Variants in OR14A2 observed in about 807,000 individuals in gnomAD.
OR14A2 encodes olfactory receptor 14A2.
For synonymous variants in OR14A2, 114 were observed against 58.6 expected, an observed-to-expected ratio of 1.95 and a Z score of -4.32; for missense variants, 237 against 152.9, an observed-to-expected ratio of 1.55 and a Z score of -2.90.
chr1:247,735,576 T>G, the OR14A2 span, among the ~76,000 whole-genome samples: 1 of 152,176 alleles, frequency 6.6e-6, no homozygotes, highest in Non-Finnish European at 1.5e-5. Context: ...AAAATATAAG[T>G]ACAAGTAAAA....
exon 1 of OR14A2, chr1:247,723,729 G>A (rs1660261947): frequency 1.4e-6 from 1 of 718,436 alleles, no homozygotes; most frequent in Non-Finnish European, 2.6e-6. Flanking sequence ...CTCCTGCTGA[G>A]AAGGAAGTCA....
At chr1:247,743,089 A>G in the OR14A2 span, among the ~76,000 whole-genome samples, 49 of 152,308 alleles carry the variant, frequency 3.2e-4, no homozygotes, top group African/African-American at 1.1e-3. Flanking sequence ...AGAGTATGGA[A>G]ATCTATTTTT....
At chr1:247,747,528 A>AT in the OR14A2 span, among the ~76,000 whole-genome samples, 1 of 151,556 alleles carries the variant, frequency 6.6e-6, no homozygotes, top group East Asian at 1.9e-4. Context: ...CGCCCGGCTA[A>AT]TTTTTTTGTA....
upstream of OR14A2, among the ~76,000 whole-genome samples, chr1:247,728,027 T>G (rs1456554233): frequency 6.9e-6 from 1 of 145,276 alleles, no homozygotes; most frequent in Non-Finnish European, 1.5e-5. Flanking sequence ...CTTCTGAAAC[T>G]ATTCCAATCA....
At chr1:247,742,066 G>A in the OR14A2 span, among the ~76,000 whole-genome samples, 1 of 152,154 alleles carries the variant, frequency 6.6e-6, no homozygotes, top group Non-Finnish European at 1.5e-5. Context: ...TTGCTCAAAT[G>A]TTGAAACAAA....
exon 1 of OR14A2, chr1:247,724,002 C>T (rs1660273408): frequency 1.4e-6 from 1 of 714,674 alleles, no homozygotes. Context: ...TATTAGAAAA[C>T]CCCATAAGAA....
the OR14A2 span, among the ~76,000 whole-genome samples, chr1:247,731,680 T>G: frequency 2.0e-5 from 3 of 152,134 alleles, no homozygotes; most frequent in African/African-American, 7.2e-5. Context: ...ATTTTCAATT[T>G]TGTAATTTCT....
chr1:247,743,443 A>C, the OR14A2 span, among the ~76,000 whole-genome samples: 1 of 152,186 alleles, frequency 6.6e-6, no homozygotes, highest in East Asian at 1.9e-4. Context: ...CAAGGGACAA[A>C]GTTTTGCACC....
In OR14A2 at chr1:247,723,320, G is replaced by T. The variant is rs1257063592; in HGVS notation, c.724C>A (p.His242Asn). 3 of 717,484 alleles carry T rather than the reference G, an allele frequency of 4.2e-6. No homozygotes were observed. In the Admixed American group the frequency reaches 6.0e-5, roughly 14 times the overall value. The allele number at this position is 717,484 out of a possible 1,614,324, so 44.4% of individuals were successfully genotyped here. A position where few individuals can be genotyped will look rare whatever the true frequency, so the allele number is the denominator to read the frequency against. The change falls in exon 1 of 1, where the codon CAT becomes AAT. Residue 242 changes from histidine (H) to asparagine (N), a missense_variant. Transcript: ENST00000366485. ...ATAAAAACAGTGAAAACAGTGAGATGGGGGAAGCATGTGGAAAAAGCTTTG... is the reference window on the plus strand; with the variant it reads ...ATAAAAACAGTGAAAACAGTGAGATTGGGGAAGCATGTGGAAAAAGCTTTG...
At chr1:247,736,551 A>C in the OR14A2 span, among the ~76,000 whole-genome samples, 1 of 152,200 alleles carries the variant, frequency 6.6e-6, no homozygotes. Flanking sequence ...AGCATGTGAA[A>C]TAAGGTGAAA....
chr1:247,723,473 G>T, exon 1 of OR14A2: 1 of 717,728 alleles, frequency 1.4e-6, no homozygotes, highest in Non-Finnish European at 2.6e-6. Context: ...ATTACCATTA[G>T]TGTTTCAGAA....
At chr1:247,729,024 C>T (rs942923517), upstream of OR14A2, among the ~76,000 whole-genome samples, 2 of 152,100 alleles carry the variant, frequency 1.3e-5, no homozygotes, top group African/African-American at 4.8e-5. Flanking sequence ...TGGAAGGATG[C>T]ATACTACCAC....
chr1:247,746,652 C>T, the OR14A2 span: 9 of 152,184 alleles, frequency 5.9e-5, no homozygotes, highest in Non-Finnish European at 1.3e-4. Context: ...CCAATTTCTC[C>T]ATATAGTTGG....
At chr1:247,740,120 G>A in the OR14A2 span, among the ~76,000 whole-genome samples, 371 of 152,312 alleles carry the variant, frequency 2.4e-3, 6 homozygotes, top group Admixed American at 3.5e-3. Flanking sequence ...CACATGCATT[G>A]CATGAGATTT....
the OR14A2 span, among the ~76,000 whole-genome samples, chr1:247,742,096 A>C: frequency 6.6e-6 from 1 of 152,234 alleles, no homozygotes; most frequent in Non-Finnish European, 1.5e-5. Flanking sequence ...GCACTTTTGG[A>C]AAGCTTCTTC....
the OR14A2 span, among the ~76,000 whole-genome samples, chr1:247,744,521 T>G: frequency 0.022 from 3,352 of 152,262 alleles, 129 homozygotes; most frequent in African/African-American, 0.076. The surrounding 1 kb of genome is among the most constrained non-coding windows in gnomAD (Gnocchi z 4.3). Flanking sequence ...CTGAGGTTTC[T>G]TAATTTCTTC....
chr1:247,726,926 G>A (rs1172011008), upstream of OR14A2, among the ~76,000 whole-genome samples: 1 of 142,642 alleles, frequency 7.0e-6, no homozygotes, highest in African/African-American at 2.9e-5. Flanking sequence ...TGCTGTTTTG[G>A]TTACTGTAGC....
At chr1:247,738,878 C>T in the OR14A2 span, 2 of 780,824 alleles carry the variant, frequency 2.6e-6, no homozygotes, top group Middle Eastern at 4.5e-4. Context: ...CCTCCACTGA[C>T]TCCATCTCCT....
the OR14A2 span, among the ~76,000 whole-genome samples, chr1:247,733,265 G>A: frequency 0.13 from 18,978 of 149,460 alleles, 2,088 homozygotes; most frequent in African/African-American, 0.32. Flanking sequence ...AAGACGAAAA[G>A]TGAATAGATA....
Sources: gnomAD v4.1 joint callset for allele counts (sites outside exome capture counted in the v4.1 genomes callset) on GRCh38, gnomAD v4.1.1 for gene constraint, Gnocchi (gnomAD v3.1) non-coding constraint, MANE v1.5 for transcripts, NCBI Gene and HGNC (gene_info 2026-07-23, HGNC 2026-07-21) for gene names.